Variants in TANC2 observed in about 807,000 individuals in gnomAD.
TANC2 encodes protein TANC2.
A neutral mutation model predicts 210.5 loss-of-function variants in TANC2; 26 were observed. That is an observed-to-expected ratio of 0.12 (90% CI 0.09 to 0.17). TANC2 has a LOEUF of 0.17. TANC2 is among the 10% of genes least tolerant of loss of function. The pLI is 1.00. For missense variants in TANC2, 2,129 were observed against 2,608.9 expected, an observed-to-expected ratio of 0.82 and a Z score of 4.01; for synonymous variants, 931 against 967.1, an observed-to-expected ratio of 0.96 and a Z score of 0.69.
chr17:63,060,144 C>T (rs761702213), intron 2 of TANC2, among the ~76,000 whole-genome samples: 8 of 152,174 alleles, frequency 5.3e-5, no homozygotes, highest in Non-Finnish European at 8.8e-5. Flanking sequence ...CATAATTACT[C>T]GCTTGCTTTA....
At chr17:63,188,900 C>CA in intron 5 of TANC2, among the ~76,000 whole-genome samples, 1 of 151,934 alleles carries the variant, frequency 6.6e-6, no homozygotes, top group South Asian at 2.1e-4. Flanking sequence ...TATCACCCCC[C>CA]CCCAAAAAAA....
At chr17:63,209,509 C>T (rs1389257390) in intron 7 of TANC2, among the ~76,000 whole-genome samples, 2 of 152,144 alleles carry the variant, frequency 1.3e-5, no homozygotes, top group Non-Finnish European at 2.9e-5. Context: ...TCTCAGTTTG[C>T]TGCAACCTCC....
At chr17:62,987,887 G>T (rs1351708418) in intron 1 of TANC2, among the ~76,000 whole-genome samples, 1 of 151,856 alleles carries the variant, frequency 6.6e-6, no homozygotes, top group African/African-American at 2.4e-5. Context: ...AAGTCACTGA[G>T]TTTTTTTTGT....
chr17:63,398,638 T>G (rs558555044), intron 18 of TANC2, among the ~76,000 whole-genome samples, 183 bp from the exon 19 acceptor site: 1 of 152,350 alleles, frequency 6.6e-6, no homozygotes, highest in South Asian at 2.1e-4. Context: ...CCATACCTGA[T>G]AAGACAAATG....
intron 27 of TANC2, among the ~76,000 whole-genome samples, chr17:63,419,770 C>T (rs1375984237): frequency 6.6e-6 from 1 of 152,094 alleles, no homozygotes; most frequent in African/African-American, 2.4e-5. Context: ...TCCACTATTC[C>T]CAGAGAGGCC....
intron 4 of TANC2, chr17:63,116,891 T>G (rs1236242466): frequency 6.6e-6 from 1 of 152,214 alleles, no homozygotes; most frequent in Non-Finnish European, 1.5e-5. Context: ...GTATTAATAT[T>G]TTAAATTACC....
intron 4 of TANC2, among the ~76,000 whole-genome samples, chr17:63,122,602 T>C (rs2038528433): frequency 6.6e-6 from 1 of 152,036 alleles, no homozygotes; most frequent in African/African-American, 2.4e-5. Flanking sequence ...CCAGGCATGG[T>C]GGTGCATGCC....
chr17:63,077,945 T>C (rs1381145152), intron 3 of TANC2, among the ~76,000 whole-genome samples: 2 of 152,184 alleles, frequency 1.3e-5, no homozygotes, highest in Non-Finnish European at 2.9e-5. Flanking sequence ...TATATTCACA[T>C]GGAATATTGA....
At chr17:63,372,432 A>G (rs1203696584) in intron 14 of TANC2, among the ~76,000 whole-genome samples, 1 of 152,222 alleles carries the variant, frequency 6.6e-6, no homozygotes, top group Non-Finnish European at 1.5e-5. Flanking sequence ...ACACACATTA[A>G]AGACTAAAGT....
intron 5 of TANC2, among the ~76,000 whole-genome samples, chr17:63,160,129 T>C (rs1012361617): frequency 1.3e-5 from 2 of 152,234 alleles, no homozygotes; most frequent in African/African-American, 4.8e-5. Context: ...GCTGCACACT[T>C]ATAACCTCAT....
rs561618208 is a variant in TANC2 at position 63,345,600 on chromosome 17, CAA to C, written c.1807+5269_1807+5270del. 6.3e-3 allele frequency among the ~76,000 whole-genome samples: 525 copies of C among 83,154 alleles called. 1 individual carries two copies. The highest frequency in any genetic ancestry group is 8.1e-3 in the Non-Finnish European group (370 of 45,714). The allele number at this position is 83,154 out of a possible 152,430, so 54.6% of individuals were successfully genotyped here. On this transcript the variant is annotated intron_variant, in intron 12 of 27. Transcript: ENST00000689528. ...TGCCATTGCACTCCAGCCTGGGCAA[CAA>C]GAGCAAAATTCTGTCTCAAAAAAAA...
chr17:63,124,591 T>C (rs956459117), intron 4 of TANC2, among the ~76,000 whole-genome samples: 1 of 152,220 alleles, frequency 6.6e-6, no homozygotes, highest in Non-Finnish European at 1.5e-5. Context: ...AAACTTACAG[T>C]CAAATACACT....
intron 9 of TANC2, 62 bp from the exon 10 acceptor site, chr17:63,314,326 C>G: frequency 6.4e-7 from 1 of 1,572,734 alleles, no homozygotes; most frequent in East Asian, 2.2e-5. Flanking sequence ...CATTTTTTCT[C>G]TCTTTGTTTC....
rs1180265180 is a variant in TANC2 at position 62,974,292 on chromosome 17, A to T, written c.-24+7543A>T. On this transcript the variant is annotated intron_variant, in intron 1 of 27. Coordinates refer to ENST00000689528, the Ensembl canonical transcript of TANC2. ...CTCACAAAGTGTGTTTCAAGATTCTATTCCTTTTTTTTTCTTTAAAAGGTG... is the reference window on the plus strand; with the variant it reads ...CTCACAAAGTGTGTTTCAAGATTCTTTTCCTTTTTTTTTCTTTAAAAGGTG... Among the ~76,000 whole-genome samples the T allele has an allele frequency of 2.0e-5, 3 of 152,190 alleles. 1 individual carries two copies. Among genetic ancestry groups the T allele is most frequent in the Non-Finnish European group, 2.9e-5 (2 of 68,018 alleles).
intron 1 of TANC2, among the ~76,000 whole-genome samples, chr17:63,003,048 T>C (rs2033458846): frequency 6.6e-6 from 1 of 152,218 alleles, no homozygotes; most frequent in South Asian, 2.1e-4. Context: ...TATATTTTTC[T>C]CCAAAGCCAT....
At chr17:63,162,019 T>C (rs1210846931) in intron 5 of TANC2, among the ~76,000 whole-genome samples, 2 of 152,138 alleles carry the variant, frequency 1.3e-5, no homozygotes, top group Non-Finnish European at 2.9e-5. Flanking sequence ...GAAATTTGAT[T>C]GCAGGCTGGG....
intron 7 of TANC2, among the ~76,000 whole-genome samples, chr17:63,218,118 T>C (rs1298521771): frequency 1.3e-5 from 2 of 152,088 alleles, no homozygotes; most frequent in African/African-American, 4.8e-5. Flanking sequence ...ATCCTGTCTC[T>C]ACAAAAGTTT....
chr17:63,236,441 T>A (rs1416040885), intron 7 of TANC2, among the ~76,000 whole-genome samples: 1 of 152,136 alleles, frequency 6.6e-6, no homozygotes, highest in Non-Finnish European at 1.5e-5. Context: ...TATTATCTAA[T>A]CATGAATTTA....
At chr17:63,181,023 C>CAAAAAAA (rs1171748208) in intron 5 of TANC2, among the ~76,000 whole-genome samples, 1 of 30,644 alleles carries the variant, frequency 3.3e-5, no homozygotes, top group Non-Finnish European at 6.5e-5. Context: ...GACTCCATCT[C>CAAAAAAA]AAAAAAAAAA....
Sources: allele counts gnomAD v4.1 joint callset (sites outside exome capture counted in the v4.1 genomes callset), GRCh38; gene constraint gnomAD v4.1.1; transcripts MANE v1.5; gene names NCBI Gene and HGNC (gene_info 2026-07-23, HGNC 2026-07-21).